The following SLC2A5 variants were observed in gnomAD, a reference collection of about 807,000 sequenced individuals.
The protein encoded by SLC2A5 is solute carrier family 2, facilitated glucose transporter member 5.
SLC2A5 carries 56 observed loss-of-function variants against 50.3 expected under a neutral mutation model. That is an observed-to-expected ratio of 1.11 (90% CI 0.90 to 1.39). The LOEUF is 1.39. Among genes scored for constraint, SLC2A5 ranks in the 40% most tolerant of loss-of-function variants. The probability of loss-of-function intolerance (pLI) is 0.00; values close to 1 mark genes in which losing one functional copy is unlikely to be tolerated. For synonymous variants in SLC2A5, 269 were observed against 281.9 expected, an observed-to-expected ratio of 0.95 and a Z score of 0.46; for missense variants, 566 against 650.1, an observed-to-expected ratio of 0.87 and a Z score of 1.41.
intron 1 of SLC2A5, among the ~76,000 whole-genome samples, chr1:9,060,238 C>CA (rs200027896): frequency 0.3 from 39,235 of 132,720 alleles, 6,661 homozygotes; most frequent in East Asian, 0.6. Context: ...TACACACACA[C>CA]CCCCCATGTA....
intron 3 of SLC2A5, chr1:9,049,270 C>G: frequency 2.3e-6 from 1 of 442,072 alleles, no homozygotes; most frequent in Middle Eastern, 3.3e-4. Context: ...TAACAGCACA[C>G]CTTCAGACAA....
chr1:9,052,198 T>G (rs1641596698), intron 3 of SLC2A5, among the ~76,000 whole-genome samples: 1 of 152,030 alleles, frequency 6.6e-6, no homozygotes, highest in East Asian at 1.9e-4. Context: ...GCAGGAGAAT[T>G]GCTTGAACAT....
chr1:9,038,395 G>A (rs779564580), intron 10 of SLC2A5, 36 bp downstream of exon 10: 3 of 1,494,236 alleles, frequency 2.0e-6, no homozygotes, highest in Non-Finnish European at 2.8e-6. Context: ...GACCAGGGGG[G>A]GTTGTGACAC....
chr1:9,058,731 C>T (rs949908957), intron 1 of SLC2A5, among the ~76,000 whole-genome samples: 1 of 152,036 alleles, frequency 6.6e-6, no homozygotes, highest in African/African-American at 2.4e-5. Context: ...TGCTCTTGCA[C>T]CATCTCAAAC....
chr1:9,074,176 G>T (rs941026887), upstream of SLC2A5, among the ~76,000 whole-genome samples: 12 of 152,232 alleles, frequency 7.9e-5, no homozygotes, highest in African/African-American at 2.9e-4. Flanking sequence ...TGGTGGTGGA[G>T]CGGAGGGGGG....
chr1:9,064,192 G>A (rs1370453912), intron 1 of SLC2A5, among the ~76,000 whole-genome samples: 1 of 152,136 alleles, frequency 6.6e-6, no homozygotes, highest in Non-Finnish European at 1.5e-5. Context: ...TAAAGATGCA[G>A]TACTACATTT....
rs550793450 is a variant in SLC2A5, at chr1:9,063,738, C to T, written c.34-5488G>A. Among the ~76,000 whole-genome samples, 67 of 110,476 alleles carry T rather than the reference C, an allele frequency of 6.1e-4. 4 individuals carry two copies. Among genetic ancestry groups the T allele is most frequent in the African/African-American group, 2.9e-3 (66 of 23,134 alleles). 72.5% of individuals were successfully genotyped at this position (110,476 alleles called of 152,430 possible). Reference sequence around the variant, plus strand: ...GAGACGGAGTCTTCGCTCTGTCGCCCAGGCTGGAGTGCAGTGGCGCGATCT... The same window carrying T: ...GAGACGGAGTCTTCGCTCTGTCGCCTAGGCTGGAGTGCAGTGGCGCGATCT... On this transcript the variant is annotated intron_variant, in intron 1 of 11. Coordinates refer to ENST00000377424, the MANE Select transcript of SLC2A5 (RefSeq NM_003039.3).
chr1:9,060,530 TACACACACCACACACATACCCCAC>T (rs1232195938), intron 1 of SLC2A5, among the ~76,000 whole-genome samples: 5 of 99,796 alleles, frequency 5.0e-5, no homozygotes, highest in African/African-American at 7.6e-5. Context: ...ACACACATCA[TACACACACCACACACATACCCCAC>T]ACACACACCA....
chr1:9,088,699 C>T (rs949335840), upstream of SLC2A5, among the ~76,000 whole-genome samples: 10 of 152,166 alleles, frequency 6.6e-5, no homozygotes, highest in Admixed American at 1.3e-4. Flanking sequence ...AGGAGAATTG[C>T]CTCAACCCAG....
intron 1 of SLC2A5, among the ~76,000 whole-genome samples, chr1:9,066,354 G>A (rs1041814724): frequency 1.3e-5 from 2 of 152,098 alleles, no homozygotes; most frequent in Admixed American, 1.3e-4. Flanking sequence ...TCCCACCTCA[G>A]CCTCTAGAGC....
the SLC2A5 span, among the ~76,000 whole-genome samples, chr1:9,093,791 C>T: frequency 6.6e-6 from 1 of 152,190 alleles, no homozygotes. Context: ...GATGTGCTTA[C>T]CGCTGTCTTC....
chr1:9,057,051 G>C (rs1445006375), intron 3 of SLC2A5, among the ~76,000 whole-genome samples: 4 of 152,178 alleles, frequency 2.6e-5, no homozygotes, highest in East Asian at 1.9e-4. Context: ...CAGCACTCTG[G>C]GGGGCTGAGG....
chr1:9,093,916 C>T, the SLC2A5 span, among the ~76,000 whole-genome samples: 16 of 152,260 alleles, frequency 1.1e-4, no homozygotes, highest in South Asian at 3.1e-3. Flanking sequence ...ACATGCTGGT[C>T]GGCAATTATC....
At position 9,039,588 on chromosome 1, in the gene SLC2A5, G is replaced by A; in HGVS notation, c.960C>T (p.Gly320=). The A allele has an allele frequency of 6.3e-7, 1 of 1,575,836 alleles. No homozygotes were observed. The highest frequency in any genetic ancestry group is 1.2e-5 in the South Asian group (1 of 86,054). ...PEEHVQYVTA[G]TGAVNVVMTF... ...TCATGACCACGTTCACGGCCCCGGT[G>A]CCGGCCGTCACGTACTGCACGTGCT... The change falls in exon 8 of 12, where the codon GGC becomes GGT. Residue 320 remains glycine, a synonymous_variant. Coordinates refer to ENST00000377424, the MANE Select transcript of SLC2A5 (RefSeq NM_003039.3).
Position 9,038,504 on chromosome 1 carries a change from G to A in SLC2A5, c.1101C>T (p.Asp367=), listed in dbSNP as rs371459384. The A allele has an allele frequency of 1.3e-5, 21 of 1,612,076 alleles. No homozygotes were observed. The highest frequency in any genetic ancestry group is 1.4e-5 in the Non-Finnish European group (16 of 1,178,686). The change falls in exon 10 of 12, where the codon GAC becomes GAT. Residue 367 remains aspartate, a splice_region_variant and synonymous_variant. Coordinates refer to ENST00000377424, the MANE Select transcript of SLC2A5 (RefSeq NM_003039.3). The stretch of plus-strand genomic sequence containing the variant: ...TGATGTATGGCATCCAGGACACTGT[G>A]TCCTGTGGAGAGAAAGCAGTTGGTT... ...CVLTAALALQ[D]TVSWMPYISI... is the part of the protein sequence containing the mutation.
chr1:9,057,683 A>G, intron 2 of SLC2A5, 75 bp from the exon 3 acceptor site: 7 of 1,325,400 alleles, frequency 5.3e-6, no homozygotes, highest in Non-Finnish European at 7.5e-6. Context: ...CTGTTAGGAC[A>G]CCCAATGAAA....
rs1641467471 is a variant in SLC2A5, at chr1:9,047,616, A to T, written c.412T>A (p.Cys138Ser). The T allele has an allele frequency of 6.2e-7, 1 of 1,613,682 alleles. No homozygotes were observed. The highest frequency in any genetic ancestry group is 1.7e-5 in the Admixed American group (1 of 59,970). Residue 138 changes from cysteine to serine, a missense_variant, in exon 4 of 12, where the codon TGT (cysteine) becomes AGT (serine). Physicochemically the swap from Cys to Ser is moderately radical, Grantham distance 112. Coordinates refer to ENST00000377424, the MANE Select transcript of SLC2A5 (RefSeq NM_003039.3). ...ACAGCATAGCATTGTTTACCTGCAC[A>T]TATTCCCACCAAAAGTCTGGAAATA... is the stretch of plus-strand genomic sequence containing the variant. ...IIISRLLVGI[C>S]AGVSSNVVPM...
intron 1 of SLC2A5, among the ~76,000 whole-genome samples, chr1:9,085,913 G>A (rs542827620): frequency 3.4e-4 from 52 of 152,292 alleles, no homozygotes; most frequent in Middle Eastern, 6.8e-3. Flanking sequence ...CTGAAGGGAG[G>A]AAGGGTCTGA....
intron 2 of SLC2A5, among the ~76,000 whole-genome samples, chr1:9,080,269 G>A (rs1029669874): frequency 2.0e-5 from 3 of 152,184 alleles, no homozygotes; most frequent in South Asian, 2.1e-4. Flanking sequence ...GCAGCTATGC[G>A]CATGGGTGTA....
Sources: allele counts gnomAD v4.1 joint callset (sites outside exome capture counted in the v4.1 genomes callset), GRCh38; gene constraint gnomAD v4.1.1; transcripts MANE v1.5; gene names NCBI Gene and HGNC (gene_info 2026-07-23, HGNC 2026-07-21).